Variants in ARAP1 observed in about 807,000 individuals in gnomAD.
The protein encoded by ARAP1 is arf-GAP with Rho-GAP domain, ANK repeat and PH domain-containing protein 1.
ARAP1 carries 76 observed loss-of-function variants against 172.2 expected under a neutral mutation model. The observed-to-expected ratio is 0.44, with a 90% CI of 0.37 to 0.53. ARAP1 has a LOEUF of 0.53. ARAP1 is among the 20% of genes least tolerant of loss of function. The probability of loss-of-function intolerance (pLI) is 0.00; values close to 1 mark genes in which losing one functional copy is unlikely to be tolerated. For synonymous variants in ARAP1, 804 were observed against 803.3 expected, an observed-to-expected ratio of 1.00 and a Z score of -0.01; for missense variants, 1,686 against 1,977.5, an observed-to-expected ratio of 0.85 and a Z score of 2.80.
intron 3 of ARAP1, among the ~76,000 whole-genome samples, chr11:72,715,570 C>CTT (rs56115201): frequency 0.18 from 24,824 of 135,724 alleles, 2,383 homozygotes; most frequent in Non-Finnish European, 0.21. Context: ...TTTTTAACTT[C>CTT]TTTTTTTTTT....
At chr11:72,721,519 G>A (rs1310142100) in intron 3 of ARAP1, among the ~76,000 whole-genome samples, 1 of 152,146 alleles carries the variant, frequency 6.6e-6, no homozygotes, top group East Asian at 1.9e-4. Context: ...CCCCAAAGAG[G>A]AGTATTCTGT....
chr11:72,712,458 G>A lies in ARAP1; in HGVS notation c.858C>T (p.His286=), dbSNP rs200325259. Residue 286 remains histidine (H), a synonymous_variant, in exon 6 of 35, where the codon CAC becomes CAT. Coordinates refer to ENST00000393609, the MANE Select transcript of ARAP1 (RefSeq NM_001040118.3). The part of the protein sequence containing the change: ...DDQGDEEEDD[H]AYEGVPNGGW... ...CTCACTTGGGGACGCCCTCATAGGC[G>A]TGGTCATCCTCTTCCTCATCCCCTT... 1.4e-5 allele frequency: 22 copies of A among 1,597,002 alleles called. No homozygotes were observed. The highest frequency in any genetic ancestry group is 1.7e-4 in the Middle Eastern group (1 of 6,006).
At position 72,699,689 on chromosome 11, in the gene ARAP1, C is replaced by T; in HGVS notation, c.2303-137G>A. The T allele has an allele frequency of 8.2e-7, 1 of 1,218,912 alleles. No homozygotes were observed. Among genetic ancestry groups the T allele is most frequent in the Non-Finnish European group, 1.1e-6 (1 of 886,278 alleles). 75.5% of individuals were successfully genotyped at this position (1,218,912 alleles called of 1,614,324 possible). On this transcript the variant is annotated intron_variant, in intron 16 of 34. Transcript: ENST00000393609. This position sits in a 1 kb window ranked among gnomAD's most constrained non-coding sequence, Gnocchi z 4.2. Reference sequence around the variant, plus strand: ...CTCAAGTTTTCCCTAAATCCATCCACCTCTCTGCATCCCCACCACGCTAGC... The same window carrying T: ...CTCAAGTTTTCCCTAAATCCATCCATCTCTCTGCATCCCCACCACGCTAGC...
At chr11:72,745,251 C>T (rs1433123522) in intron 1 of ARAP1, among the ~76,000 whole-genome samples, 1 of 140,092 alleles carries the variant, frequency 7.1e-6, no homozygotes, top group Non-Finnish European at 1.5e-5. Context: ...TGCAGTGGCT[C>T]GATCTCGGCT....
At chr11:72,716,839 G>A (rs951655623) in intron 3 of ARAP1, among the ~76,000 whole-genome samples, 2 of 152,182 alleles carry the variant, frequency 1.3e-5, no homozygotes, top group Non-Finnish European at 1.5e-5. Flanking sequence ...CTGCCCTGGC[G>A]GCAAGCTGCT....
intron 1 of ARAP1, among the ~76,000 whole-genome samples, chr11:72,740,194 G>A (rs12294368): frequency 0.14 from 21,953 of 152,166 alleles, 2,101 homozygotes; most frequent in African/African-American, 0.27. Flanking sequence ...CCTTTGAGCA[G>A]TGCACAACAC....
chr11:72,728,575 C>T (rs1175777553), intron 2 of ARAP1, among the ~76,000 whole-genome samples: 1 of 151,904 alleles, frequency 6.6e-6, no homozygotes, highest in Non-Finnish European at 1.5e-5. Context: ...AGTGAGGCTC[C>T]GTCTCAAAAC....
chr11:72,726,700 C>G lies in ARAP1; in HGVS notation c.429G>C (p.Pro143=), dbSNP rs780783884. The change falls in exon 3 of 35, where the codon CCG becomes CCC. Residue 143 remains proline, a synonymous_variant. Coordinates refer to ENST00000393609, the MANE Select transcript of ARAP1 (RefSeq NM_001040118.3). The surrounding 1 kb of genome is among the most constrained non-coding windows in gnomAD (Gnocchi z 6.5). ...CTGCCAAATGCCGCTTAGCAGGCAG[C>G]GGGGGCAGCACAGGGTCTGGGGCAG... The part of the protein sequence containing the change: ...STAAPDPVLP[P]LPAKRHLAEL... The G allele has an allele frequency of 2.3e-6, 3 of 1,299,200 alleles. No individual in the cohort carries two copies. The Admixed American group carries it at 7.3e-5, about 32-fold the overall frequency. 80.5% of individuals were successfully genotyped at this position (1,299,200 alleles called of 1,614,324 possible).
intron 1 of ARAP1, among the ~76,000 whole-genome samples, chr11:72,745,670 C>T (rs557773427): frequency 3.3e-5 from 5 of 152,238 alleles, no homozygotes; most frequent in South Asian, 2.1e-4. Context: ...AGCACGACCC[C>T]GCCAGGAGCC....
intron 1 of ARAP1, 113 bp downstream of exon 1, chr11:72,752,215 C>T (rs1858552587): frequency 6.6e-6 from 1 of 152,322 alleles, no homozygotes; most frequent in Admixed American, 6.5e-5. Context: ...CAAGATGACC[C>T]GGGGAAGCAG....
chr11:72,691,796 C>G (rs1855943752), intron 30 of ARAP1, among the ~76,000 whole-genome samples: 1 of 152,080 alleles, frequency 6.6e-6, no homozygotes. Context: ...GCAGCAGTCC[C>G]CAGTCTTTTT....
At chr11:72,735,305 C>T (rs965730906) in intron 1 of ARAP1, among the ~76,000 whole-genome samples, 5 of 151,944 alleles carry the variant, frequency 3.3e-5, no homozygotes, top group Admixed American at 2.0e-4. Flanking sequence ...CCACTCTTCA[C>T]GGCCTCTCAA....
intron 30 of ARAP1, among the ~76,000 whole-genome samples, chr11:72,690,737 T>C (rs901424588): frequency 3.7e-4 from 57 of 152,194 alleles, no homozygotes; most frequent in African/African-American, 1.3e-3. Context: ...CATGGGGCCA[T>C]GGGCAGACAA....
At chr11:72,705,571 TC>T in intron 13 of ARAP1, 1 of 489,690 alleles carries the variant, frequency 2.0e-6, no homozygotes, top group Non-Finnish European at 3.6e-6. Context: ...CCTTTTTTTT[TC>T]TTTAAAAAAA....
At chr11:72,703,666 G>C (rs2135523145) in intron 14 of ARAP1, among the ~76,000 whole-genome samples, 1 of 152,330 alleles carries the variant, frequency 6.6e-6, no homozygotes, top group African/African-American at 2.4e-5. Context: ...GCATACCCCT[G>C]CCTCGGAGCT....
intron 14 of ARAP1, 170 bp from the exon 15 acceptor site, chr11:72,703,249 A>G: frequency 1.4e-6 from 1 of 728,292 alleles, no homozygotes; most frequent in Non-Finnish European, 2.1e-6. Flanking sequence ...GAGAGGGAAG[A>G]GAGAGGCCAA....
intron 1 of ARAP1, among the ~76,000 whole-genome samples, chr11:72,751,956 C>T (rs1858544374): frequency 6.6e-6 from 1 of 152,224 alleles, no homozygotes; most frequent in Admixed American, 6.5e-5. Flanking sequence ...GCCCCAGGCC[C>T]AGGGCATAGG....
At chr11:72,711,611 G>A in intron 7 of ARAP1, 112 bp from the exon 8 acceptor site, 1 of 878,094 alleles carries the variant, frequency 1.1e-6, no homozygotes, top group South Asian at 1.5e-5. Flanking sequence ...AGGTTCTAGG[G>A]AGGAAGAATC....
At chr11:72,737,995 G>A (rs990578130) in intron 1 of ARAP1, among the ~76,000 whole-genome samples, 3 of 152,208 alleles carry the variant, frequency 2.0e-5, no homozygotes, top group African/African-American at 7.2e-5. Context: ...AGCTGTGTGA[G>A]GTAGAAACTC....
Sources: gnomAD v4.1 joint callset for allele counts (sites outside exome capture counted in the v4.1 genomes callset) on GRCh38, gnomAD v4.1.1 for gene constraint, Gnocchi (gnomAD v3.1) non-coding constraint, MANE v1.5 for transcripts, NCBI Gene and HGNC (gene_info 2026-07-23, HGNC 2026-07-21) for gene names.